Variants in CTDSPL2 observed in about 807,000 individuals in gnomAD.
CTDSPL2 encodes CTD small phosphatase like 2, also known as CTD small phosphatase-like protein 2.
CTDSPL2 carries 5 observed loss-of-function variants against 60.0 expected under a neutral mutation model. The observed-to-expected ratio is 0.08, with a 90% CI of 0.04 to 0.18. The LOEUF (loss-of-function observed/expected upper bound fraction) is 0.18. CTDSPL2 is among the 10% of genes least tolerant of loss of function. The pLI, the probability that CTDSPL2 is intolerant of heterozygous loss-of-function variation, is 1.00. For synonymous variants in CTDSPL2, 186 were observed against 189.3 expected (o/e 0.98, Z 0.14); for missense variants, 370 against 548.8 (o/e 0.67, Z 3.26).
At chr15:44,466,226 C>T (rs948752473) in intron 2 of CTDSPL2, among the ~76,000 whole-genome samples, 3 of 152,088 alleles carry the variant, frequency 2.0e-5, no homozygotes, top group Non-Finnish European at 4.4e-5. Flanking sequence ...CGTGAGCCAC[C>T]GCGCCTGGCC....
chr15:44,457,497 G>T (rs1002639473), intron 1 of CTDSPL2, among the ~76,000 whole-genome samples: 3 of 152,000 alleles, frequency 2.0e-5, no homozygotes, highest in African/African-American at 7.2e-5. Context: ...TGCTGTGGCT[G>T]GTTTGATTTT....
chr15:44,427,915 C>T (rs2079779103), intron 1 of CTDSPL2, 143 bp downstream of exon 1: 3 of 374,494 alleles, frequency 8.0e-6, no homozygotes, highest in African/African-American at 2.1e-5. Context: ...CTCTTTGGCG[C>T]CTCGTACGTC....
In CTDSPL2 at chr15:44,514,657, T is replaced by C. The variant is rs538253865; in HGVS notation, c.1029T>C (p.Tyr343=). ...REFLERMSQM[Y]EIILFTASKK... ...TCCTGGAACGAATGTCTCAGATGTA[T>C]GAGGTAAACATGCTTAAGCTAATTA... is the stretch of plus-strand genomic sequence containing the variant. Residue 343 remains tyrosine (Y), a synonymous_variant, in exon 9 of 13, where the codon TAT becomes TAC. Transcript: ENST00000260327. The C allele has an allele frequency of 1.2e-6, 2 of 1,604,670 alleles. No individual in the cohort carries two copies. The highest frequency in any genetic ancestry group is 1.3e-5 in the African/African-American group (1 of 74,842).
Position 44,527,449 on chromosome 15 carries a change from A to G in CTDSPL2, c.*3275A>G, listed in dbSNP as rs2081893028. On this transcript the variant is annotated 3_prime_UTR_variant, in exon 13 of 13. Transcript: ENST00000260327. ...GAGACTTCATCTCATCAATGAAGAA[A>G]GCATTTCATTATTCCTACAGATCTT... The G allele has an allele frequency of 6.6e-6, 1 of 152,190 alleles. No individual in the cohort carries two copies. The allele number at this position is 152,190 out of a possible 1,614,324, so 9.4% of individuals were successfully genotyped here. A position where few individuals can be genotyped will look rare whatever the true frequency, so the allele number is the denominator to read the frequency against.
intron 1 of CTDSPL2, among the ~76,000 whole-genome samples, chr15:44,435,123 G>A (rs28480372): frequency 2.4e-4 from 37 of 151,916 alleles, no homozygotes; most frequent in Admixed American, 4.6e-4. Context: ...AGCTGGGCGC[G>A]GTGGTGTGCA....
intron 4 of CTDSPL2, among the ~76,000 whole-genome samples, chr15:44,488,297 C>T (rs1019532845): frequency 2.6e-5 from 4 of 151,832 alleles, no homozygotes; most frequent in Non-Finnish European, 5.9e-5. Flanking sequence ...GACTTGTAGT[C>T]GTTTGTGTGA....
chr15:44,448,712 C>T, intron 1 of CTDSPL2: 1 of 337,714 alleles, frequency 3.0e-6, no homozygotes, highest in South Asian at 2.8e-5. Context: ...ATTCCAGTGC[C>T]TTTATTCAGG....
rs190688214 is a variant in CTDSPL2 at position 44,453,472 on chromosome 15, C to T, written c.-24-5519C>T. Among the ~76,000 whole-genome samples, 359 of 152,030 alleles carry T rather than the reference C, an allele frequency of 2.4e-3. 1 individual carries two copies. The highest frequency in any genetic ancestry group is 7.3e-3 in the Admixed American group (112 of 15,246). On this transcript the variant is annotated intron_variant, in intron 1 of 12. Coordinates refer to ENST00000260327, the MANE Select transcript of CTDSPL2 (RefSeq NM_016396.3). Reference sequence around the variant, plus strand: ...TAAGTTCTAGGGTACATGTGCACAACGTGCAGGCTTGCTACATATGTATAC... The same window carrying T: ...TAAGTTCTAGGGTACATGTGCACAATGTGCAGGCTTGCTACATATGTATAC...
At chr15:44,491,329 TTA>T (rs926247784) in intron 5 of CTDSPL2, among the ~76,000 whole-genome samples, 10 of 152,214 alleles carry the variant, frequency 6.6e-5, no homozygotes, top group Admixed American at 5.2e-4. Context: ...TCTTAGACCC[TTA>T]TGTCTGAGGT....
chr15:44,524,296 C>A lies in CTDSPL2; in HGVS notation c.*122C>A. ...TTGTACCCCGTCTTGCTTTTCTTAT[C>A]TTTGGTGCCCAATAATAATTAAGGG... On this transcript the variant is annotated 3_prime_UTR_variant, in exon 13 of 13. Transcript: ENST00000260327. The A allele has an allele frequency of 1.4e-6, 1 of 717,000 alleles. No homozygotes were observed. Among genetic ancestry groups the A allele is most frequent in the East Asian group, 2.6e-5 (1 of 38,272 alleles). 44.4% of individuals were successfully genotyped at this position (717,000 alleles called of 1,614,324 possible). A position where few individuals can be genotyped will look rare whatever the true frequency, so the allele number is the denominator to read the frequency against.
chr15:44,495,976 A>G (rs1436929687), intron 5 of CTDSPL2, among the ~76,000 whole-genome samples: 1 of 152,158 alleles, frequency 6.6e-6, no homozygotes, highest in Admixed American at 6.6e-5. Flanking sequence ...TGTTGTCAGC[A>G]TACATTTACT....
At chr15:44,437,647 T>G (rs1283359805) in intron 1 of CTDSPL2, among the ~76,000 whole-genome samples, 1 of 152,262 alleles carries the variant, frequency 6.6e-6, no homozygotes, top group African/African-American at 2.4e-5. Context: ...ATTAGAAAAA[T>G]TGTGGCTTAG....
At chr15:44,466,760 G>A (rs2080702637) in intron 2 of CTDSPL2, among the ~76,000 whole-genome samples, 1 of 146,776 alleles carries the variant, frequency 6.8e-6, no homozygotes, top group Non-Finnish European at 1.5e-5. Context: ...GTGAAACCCC[G>A]TCTCTACTAA....
At chr15:44,505,172 C>T (rs1286260545) in intron 8 of CTDSPL2, among the ~76,000 whole-genome samples, 2 of 152,054 alleles carry the variant, frequency 1.3e-5, no homozygotes, top group African/African-American at 4.8e-5. Context: ...TGGCTCATGC[C>T]TGTAATGATA....
At chr15:44,517,616 C>T (rs923562606) in intron 10 of CTDSPL2, 1 of 152,124 alleles carries the variant, frequency 6.6e-6, no homozygotes, top group Non-Finnish European at 1.5e-5. Flanking sequence ...AATGCAAATA[C>T]ATGCTATACA....
At chr15:44,515,787 C>T (rs943955810) in intron 10 of CTDSPL2, among the ~76,000 whole-genome samples, 2 of 151,970 alleles carry the variant, frequency 1.3e-5, no homozygotes, top group African/African-American at 2.4e-5. Flanking sequence ...GCAGGAGAAT[C>T]GCTTGAACCC....
rs1595789250 is a variant in CTDSPL2, at chr15:44,525,279, A to G, written c.*1105A>G. The G allele has an allele frequency of 2.5e-6, 1 of 397,410 alleles. No homozygotes were observed. Among genetic ancestry groups the G allele is most frequent in the East Asian group, 3.6e-5 (1 of 28,018 alleles). 24.6% of individuals were successfully genotyped at this position (397,410 alleles called of 1,614,324 possible). ...CAGTAGCTATGCATAATCCTGTGGCACAGTACACTCCCAAGCCACCAATGC... is the reference window on the plus strand; with the variant it reads ...CAGTAGCTATGCATAATCCTGTGGCGCAGTACACTCCCAAGCCACCAATGC... On this transcript the variant is annotated 3_prime_UTR_variant, in exon 13 of 13. Coordinates refer to ENST00000260327, the MANE Select transcript of CTDSPL2 (RefSeq NM_016396.3).
At chr15:44,438,156 CG>C (rs1273412510) in intron 1 of CTDSPL2, among the ~76,000 whole-genome samples, 1 of 151,660 alleles carries the variant, frequency 6.6e-6, no homozygotes, top group Non-Finnish European at 1.5e-5. Flanking sequence ...CCCAGCTACT[CG>C]GAAGGCTGGG....
chr15:44,466,369 G>A (rs888795837), intron 2 of CTDSPL2, among the ~76,000 whole-genome samples: 2 of 152,036 alleles, frequency 1.3e-5, no homozygotes, highest in African/African-American at 2.4e-5. Flanking sequence ...ACTTACTATG[G>A]AATGAAAAAA....
Sources: allele counts gnomAD v4.1 joint callset (sites outside exome capture counted in the v4.1 genomes callset), GRCh38; gene constraint gnomAD v4.1.1; transcripts MANE v1.5; gene names NCBI Gene and HGNC (gene_info 2026-07-23, HGNC 2026-07-21).